Variants in TDRKH observed in about 807,000 individuals in gnomAD.
TDRKH encodes the protein tudor and KH domain containing, also known as tudor and KH domain-containing protein.
Under a neutral mutation model 61.3 loss-of-function variants are expected in TDRKH, and 28 were observed. That is an observed-to-expected ratio of 0.46 (90% CI 0.34 to 0.63). The LOEUF (loss-of-function observed/expected upper bound fraction) is 0.63. TDRKH is among the 20% of genes least tolerant of loss of function. The probability of loss-of-function intolerance (pLI) is 0.01; values close to 1 mark genes in which losing one functional copy is unlikely to be tolerated. For missense variants in TDRKH, 540 were observed against 683.4 expected (o/e 0.79, Z 2.34); for synonymous variants, 219 against 244.4 (o/e 0.90, Z 0.97).
downstream of TDRKH, chr1:151,771,284 G>A: frequency 1.9e-6 from 3 of 1,582,342 alleles, no homozygotes; most frequent in Admixed American, 1.8e-5. Context: ...GGCCCGGGAT[G>A]TGATTCAGGA....
At chr1:151,782,823 A>G in intron 2 of TDRKH, 76 bp downstream of exon 2, 1 of 1,471,034 alleles carries the variant, frequency 6.8e-7, no homozygotes, top group Non-Finnish European at 9.0e-7. Flanking sequence ...CCTGGCAAGG[A>G]AAGAGTTTTT....
downstream of TDRKH, chr1:151,770,395 A>T: frequency 1.9e-5 from 23 of 1,239,854 alleles, no homozygotes; most frequent in Non-Finnish European, 2.5e-5. Context: ...CCCACCTACC[A>T]CGAAGGTGGG....
chr1:151,768,445 C>T (rs916228326), downstream of TDRKH, among the ~76,000 whole-genome samples: 4 of 152,184 alleles, frequency 2.6e-5, no homozygotes, highest in Non-Finnish European at 4.4e-5. Flanking sequence ...AGTTGAATAA[C>T]GGGAAGTACT....
In TDRKH at chr1:151,783,042, C is replaced by G. The variant is rs1186892977; in HGVS notation, c.-20G>C. The G allele has an allele frequency of 1.2e-6, 2 of 1,608,076 alleles. No individual in the cohort carries two copies. The highest frequency in any genetic ancestry group is 2.7e-5 in the African/African-American group (2 of 74,580). On this transcript the variant is annotated 5_prime_UTR_variant, in exon 2 of 13. Coordinates refer to ENST00000368824, the MANE Select transcript of TDRKH (RefSeq NM_001083965.2). ...AGACATTTTCTGCTGTACTCTTTGA[C>G]TTATATCCTGAAACAAGCAAAGCAG...
chr1:151,790,025 G>A (rs1317324438), intron 1 of TDRKH, among the ~76,000 whole-genome samples: 2 of 152,194 alleles, frequency 1.3e-5, no homozygotes, highest in African/African-American at 4.8e-5. Flanking sequence ...GATAACTAAA[G>A]AAAAAGCTGG....
downstream of TDRKH, chr1:151,767,264 C>G (rs1321722570): frequency 2.5e-6 from 4 of 1,613,998 alleles, no homozygotes. Context: ...AAGCACCGAG[C>G]AGGGTAACCA....
At chr1:151,786,801 G>A (rs991574412) in intron 1 of TDRKH, among the ~76,000 whole-genome samples, 3 of 152,186 alleles carry the variant, frequency 2.0e-5, no homozygotes, top group African/African-American at 7.2e-5. Context: ...CTTTTCAAGG[G>A]TGTCGTCTAT....
chr1:151,768,190 C>T (rs2495397), downstream of TDRKH: 249 of 1,613,832 alleles, frequency 1.5e-4, 1 homozygote, highest in African/African-American at 3.1e-3. Context: ...TCGACTCTTC[C>T]TGGATATCCC....
rs1040632406 is a variant in TDRKH at position 151,775,086 on chromosome 1, G to C, written c.1515C>G (p.Val505=). Residue 505 remains valine, a synonymous_variant, in exon 11 of 13, where the codon GTC becomes GTG. Coordinates refer to ENST00000368824, the MANE Select transcript of TDRKH (RefSeq NM_001083965.2). The stretch of plus-strand genomic sequence containing the variant: ...TCACCATGTCCTTCAACATGTCTGG[G>C]ACAGCTCTGTTTTCTTCTATGTCTT... The part of the protein sequence containing the change: ...LPEDIEENRA[V]PDMLKDMATE... 1.2e-6 allele frequency: 2 copies of C among 1,614,110 alleles called. No individual in the cohort carries two copies. Among genetic ancestry groups the C allele is most frequent in the Admixed American group, 3.3e-5 (2 of 60,016 alleles).
At position 151,781,539 on chromosome 1, in the gene TDRKH, C is replaced by G; in HGVS notation, c.173G>C (p.Arg58Pro). 2 of 1,613,422 alleles carry G rather than the reference C, an allele frequency of 1.2e-6. No homozygotes were observed. Among genetic ancestry groups the G allele is most frequent in the Non-Finnish European group, 1.7e-6 (2 of 1,179,784 alleles). Reference sequence around the variant, plus strand: ...GAGTTTCACAGCCTCCTGGGGAACCCGCATCTCTATCTCAATGTCATCTTC... The same window carrying G: ...GAGTTTCACAGCCTCCTGGGGAACCGGCATCTCTATCTCAATGTCATCTTC... ...VGEDDIEIEM[R>P]VPQEAVKLII... Residue 58 changes from arginine to proline, a missense_variant, in exon 3 of 13, where the codon CGG becomes CCG. Arg to Pro is a moderately radical substitution (Grantham distance 103). This residue lies in a region of TDRKH where 156 missense variants were observed against 218.0 expected (regional missense o/e 0.72). Transcript: ENST00000368824.
chr1:151,768,116 T>TA (rs778789500), downstream of TDRKH: 4 of 1,613,950 alleles, frequency 2.5e-6, no homozygotes, highest in South Asian at 3.3e-5. Context: ...CCAGTACAGT[T>TA]AGACTTTCAC....
At chr1:151,789,848 G>T (rs978308251) in intron 1 of TDRKH, among the ~76,000 whole-genome samples, 28 of 152,126 alleles carry the variant, frequency 1.8e-4, no homozygotes, top group East Asian at 1.7e-3. Flanking sequence ...AAAAAAAAGT[G>T]TCAACCCCTT....
chr1:151,767,058 A>G, downstream of TDRKH: 1 of 1,499,112 alleles, frequency 6.7e-7, no homozygotes, highest in East Asian at 2.3e-5. Flanking sequence ...ACATAGAAAC[A>G]GGCTGGACAA....
chr1:151,786,907 G>T (rs1197434364), intron 1 of TDRKH, among the ~76,000 whole-genome samples: 1 of 152,112 alleles, frequency 6.6e-6, no homozygotes, highest in Admixed American at 6.5e-5. Context: ...TTAGAATGTA[G>T]GACAGAAAGG....
chr1:151,779,773 A>C, intron 4 of TDRKH, 178 bp downstream of exon 4: 3 of 569,216 alleles, frequency 5.3e-6, no homozygotes. Context: ...CAACTTCTTG[A>C]GGAAACAGGT....
chr1:151,768,779 G>A (rs984433243), downstream of TDRKH, among the ~76,000 whole-genome samples: 29 of 152,284 alleles, frequency 1.9e-4, no homozygotes, highest in African/African-American at 5.8e-4. Context: ...AAGTGAACAA[G>A]GGTCTCTGGT....
downstream of TDRKH, chr1:151,770,481 A>T: frequency 1.8e-6 from 1 of 542,490 alleles, no homozygotes; most frequent in Non-Finnish European, 3.1e-6. Context: ...GGCCAGACTG[A>T]AGGAGCACTG....
At chr1:151,783,148 C>A in intron 1 of TDRKH, 99 bp from the exon 2 acceptor site, 1 of 1,072,546 alleles carries the variant, frequency 9.3e-7, no homozygotes, top group Non-Finnish European at 1.3e-6. Context: ...AAGACTACTA[C>A]TGCCTACCTT....
intron 6 of TDRKH, among the ~76,000 whole-genome samples, chr1:151,777,746 A>G: frequency 7.5e-6 from 1 of 133,918 alleles, no homozygotes; most frequent in African/African-American, 2.9e-5. Flanking sequence ...TTGAGACAGG[A>G]TCTCACTGTC....
Sources: allele counts gnomAD v4.1 joint callset (sites outside exome capture counted in the v4.1 genomes callset), GRCh38; gene constraint gnomAD v4.1.1; regional missense constraint gnomAD v4.1.1; transcripts MANE v1.5; gene names NCBI Gene and HGNC (gene_info 2026-07-23, HGNC 2026-07-21).